FAT3: variants seen among roughly 807,000 people sequenced by gnomAD.
FAT3 encodes the protein protocadherin Fat 3.
Under a neutral mutation model 310.2 loss-of-function variants are expected in FAT3, and 95 were observed. The observed-to-expected ratio is 0.31, with a 90% CI of 0.26 to 0.36. The LOEUF (loss-of-function observed/expected upper bound fraction) is 0.36, where lower values mean the gene tolerates loss of function less well. Ranked by LOEUF, FAT3 falls within the 10% of genes least tolerant of loss-of-function variation. The pLI is 1.00. For synonymous variants in FAT3, 2,314 were observed against 2,192.9 expected (o/e 1.06, Z -1.54); for missense variants, 5,408 against 5,715.6 (o/e 0.95, Z 1.74).
chr11:92,698,206 T>A (rs1431204854), intron 4 of FAT3, among the ~76,000 whole-genome samples: 2 of 152,082 alleles, frequency 1.3e-5, no homozygotes, highest in African/African-American at 4.8e-5. Context: ...AATCTTTTAG[T>A]TCCTAAGAAT....
At chr11:92,851,650 T>G (rs769674339) in intron 19 of FAT3, among the ~76,000 whole-genome samples, 20 of 152,240 alleles carry the variant, frequency 1.3e-4, no homozygotes, top group Middle Eastern at 3.4e-3. Flanking sequence ...ATAAATGGCG[T>G]CAGTTGGTTT....
chr11:92,285,868 A>G (rs1946549986), intron 1 of FAT3, among the ~76,000 whole-genome samples: 1 of 151,980 alleles, frequency 6.6e-6, no homozygotes. Context: ...GCTTATTTGG[A>G]GGATTGTATA....
chr11:92,556,225 G>A (rs1355645611), intron 3 of FAT3, among the ~76,000 whole-genome samples: 17 of 152,130 alleles, frequency 1.1e-4, no homozygotes, highest in African/African-American at 4.1e-4. Flanking sequence ...GAGGATTCAA[G>A]GTGACTTATA....
chr11:92,373,307 T>G (rs1949246629), intron 2 of FAT3, among the ~76,000 whole-genome samples: 1 of 152,200 alleles, frequency 6.6e-6, no homozygotes, highest in African/African-American at 2.4e-5. Context: ...GTACTCTTAC[T>G]GCTCCAGATT....
At chr11:92,640,288 C>T (rs1941912176) in intron 3 of FAT3, among the ~76,000 whole-genome samples, 1 of 152,048 alleles carries the variant, frequency 6.6e-6, no homozygotes, top group Admixed American at 6.5e-5. Flanking sequence ...CTCACTCCTG[C>T]CAACTGTGAG....
intron 1 of FAT3, among the ~76,000 whole-genome samples, chr11:92,293,736 A>G (rs958980086): frequency 5.1e-4 from 77 of 151,744 alleles, no homozygotes; most frequent in African/African-American, 1.8e-3. Flanking sequence ...GTCAGAGCAC[A>G]TAGAAAAGGA....
chr11:92,736,257 T>C (rs1945343932), intron 4 of FAT3, among the ~76,000 whole-genome samples: 1 of 152,148 alleles, frequency 6.6e-6, no homozygotes, highest in African/African-American at 2.4e-5. Flanking sequence ...GGGTTCAAGT[T>C]CAGGTAAGCC....
Position 92,805,251 on chromosome 11 carries a change from T to C in FAT3, c.8995T>C (p.Phe2999Leu), listed in dbSNP as rs1947471718. 6.2e-7 allele frequency: 1 copy of C among 1,613,812 alleles called. No individual in the cohort carries two copies. Among genetic ancestry groups the C allele is most frequent in the Admixed American group, 1.7e-5 (1 of 60,008 alleles). Residue 2999 changes from phenylalanine to leucine, a missense_variant, in exon 11 of 28, where the codon TTT becomes CTT. By Grantham distance (22) the Phe-to-Leu change is conservative (BLOSUM62 0). This residue lies in a region of FAT3 where 4,588 missense variants were observed against 4,809.8 expected (regional missense o/e 0.95). Transcript: ENST00000525166. ...AGACAGAGAAGAACAGGACATTTACTTTCTCAATATCACTGCCACTGATGG... is the reference window on the plus strand; with the variant it reads ...AGACAGAGAAGAACAGGACATTTACCTTCTCAATATCACTGCCACTGATGG... ...PLDREEQDIY[F>L]LNITATDGLF... is the part of the protein sequence containing the mutation.
At chr11:92,656,952 T>C (rs1361284651) in intron 3 of FAT3, among the ~76,000 whole-genome samples, 1 of 151,816 alleles carries the variant, frequency 6.6e-6, no homozygotes, top group African/African-American at 2.4e-5. Context: ...GACTGGAGTA[T>C]GTGTGTTAGG....
chr11:92,459,820 G>T (rs1951590012), intron 2 of FAT3, among the ~76,000 whole-genome samples: 1 of 152,076 alleles, frequency 6.6e-6, no homozygotes, highest in Non-Finnish European at 1.5e-5. Context: ...CCCAAAATAG[G>T]AATCCGGTTG....
At chr11:92,822,723 G>T (rs536150735) in intron 13 of FAT3, among the ~76,000 whole-genome samples, 10 of 152,168 alleles carry the variant, frequency 6.6e-5, no homozygotes, top group African/African-American at 2.4e-4. Context: ...CATTAACTTA[G>T]GCCCAGTTTC....
intron 3 of FAT3, among the ~76,000 whole-genome samples, chr11:92,673,362 C>T (rs548549338): frequency 1.3e-4 from 20 of 152,244 alleles, no homozygotes; most frequent in African/African-American, 3.6e-4. Context: ...ATTCATCCAA[C>T]GAAACTCTAT....
At chr11:92,646,075 T>C (rs1041992755) in intron 3 of FAT3, among the ~76,000 whole-genome samples, 1 of 152,192 alleles carries the variant, frequency 6.6e-6, no homozygotes, top group Admixed American at 6.5e-5. Flanking sequence ...ACAATCAACA[T>C]TTCATTCGAT....
At chr11:92,732,199 T>C (rs1945201532) in intron 4 of FAT3, among the ~76,000 whole-genome samples, 1 of 152,186 alleles carries the variant, frequency 6.6e-6, no homozygotes, top group Non-Finnish European at 1.5e-5. Flanking sequence ...GAAGCAAAGA[T>C]GAGTAAAGAC....
chr11:92,679,578 C>T (rs1943406354), intron 3 of FAT3, among the ~76,000 whole-genome samples: 1 of 151,926 alleles, frequency 6.6e-6, no homozygotes, highest in Admixed American at 6.6e-5. Context: ...CACGGTGGCT[C>T]ACGCCTGTAA....
At chr11:92,794,037 G>T (rs983963762) in intron 9 of FAT3, among the ~76,000 whole-genome samples, 5 of 151,920 alleles carry the variant, frequency 3.3e-5, no homozygotes, top group African/African-American at 1.2e-4. Flanking sequence ...CTTAAAAAAA[G>T]AAAAAGAAAA....
At chr11:92,430,126 T>G (rs1950732606) in intron 2 of FAT3, among the ~76,000 whole-genome samples, 1 of 152,240 alleles carries the variant, frequency 6.6e-6, no homozygotes, top group South Asian at 2.1e-4. Flanking sequence ...TTCATTAAGT[T>G]GATCTTCAAT....
chr11:92,365,589 A>G (rs4376864), intron 2 of FAT3, among the ~76,000 whole-genome samples: 1 of 152,152 alleles, frequency 6.6e-6, no homozygotes, highest in Non-Finnish European at 1.5e-5. Flanking sequence ...ATTGCATATC[A>G]TTCCTTTATT....
intron 2 of FAT3, among the ~76,000 whole-genome samples, chr11:92,457,907 G>A (rs1419461477): frequency 6.6e-6 from 1 of 152,138 alleles, no homozygotes; most frequent in Non-Finnish European, 1.5e-5. Flanking sequence ...GGGCTACAAA[G>A]CGAGACTCCA....
Sources: gnomAD v4.1 joint callset for allele counts (sites outside exome capture counted in the v4.1 genomes callset) on GRCh38, gnomAD v4.1.1 for gene constraint, gnomAD v4.1.1 regional missense constraint, MANE v1.5 for transcripts, NCBI Gene and HGNC (gene_info 2026-07-23, HGNC 2026-07-21) for gene names.